Variants in PCDHA1 observed in about 807,000 individuals in gnomAD.
PCDHA1 encodes the protein protocadherin alpha-1.
Under a neutral mutation model 61.3 loss-of-function variants are expected in PCDHA1, and 42 were observed. The observed-to-expected ratio is 0.69, with a 90% CI of 0.54 to 0.89. The LOEUF (loss-of-function observed/expected upper bound fraction) is 0.89. Among genes scored for constraint, PCDHA1 ranks in the 40% least tolerant of loss-of-function variants. The pLI is 0.00. For synonymous variants in PCDHA1, 610 were observed against 553.8 expected (o/e 1.10, Z -1.43); for missense variants, 1,256 against 1,235.3 (o/e 1.02, Z -0.25).
chr5:140,817,541 A>G (rs1766154895), intron 1 of PCDHA1: 1 of 152,236 alleles, frequency 6.6e-6, no homozygotes, highest in Non-Finnish European at 1.5e-5. Context: ...GTTGATTATA[A>G]CACACATCCT....
At chr5:140,966,974 C>T (rs782333304) in intron 1 of PCDHA1, 4 of 1,602,874 alleles carry the variant, frequency 2.5e-6, no homozygotes, top group Non-Finnish European at 3.4e-6. Flanking sequence ...GCTTGAGCTG[C>T]GGCGCTTGGG....
chr5:140,960,331 A>G (rs1157705398), intron 1 of PCDHA1, among the ~76,000 whole-genome samples: 1 of 152,230 alleles, frequency 6.6e-6, no homozygotes, highest in African/African-American at 2.4e-5. Flanking sequence ...TGTGAGAAGT[A>G]CATGAGGTGA....
chr5:140,862,493 C>G, intron 1 of PCDHA1: 1 of 388,776 alleles, frequency 2.6e-6, no homozygotes, highest in East Asian at 6.9e-5. Flanking sequence ...GGTAATCGCT[C>G]GGAATGGGGA....
chr5:140,915,918 T>A (rs1295505621), intron 1 of PCDHA1, among the ~76,000 whole-genome samples: 1 of 152,188 alleles, frequency 6.6e-6, no homozygotes, highest in Admixed American at 6.5e-5. Flanking sequence ...CCAGAGATGC[T>A]ACTTGGGAGT....
chr5:140,970,748 A>G (rs2096429835), intron 1 of PCDHA1, among the ~76,000 whole-genome samples: 1 of 152,130 alleles, frequency 6.6e-6, no homozygotes, highest in African/African-American at 2.4e-5. Context: ...TTTGCAATAT[A>G]TTTTCATTGA....
intron 3 of PCDHA1, chr5:140,988,797 AT>A (rs1481469131): frequency 2.0e-5 from 3 of 152,116 alleles, no homozygotes; most frequent in African/African-American, 7.2e-5. Context: ...TAATAGAAGA[AT>A]TTCTTCCGTA....
chr5:140,929,154 T>C (rs1005551092), intron 1 of PCDHA1: 3 of 1,614,180 alleles, frequency 1.9e-6, no homozygotes, highest in Non-Finnish European at 1.7e-6. Context: ...CTCAGACTTA[T>C]CTCTATCGGG....
chr5:140,996,531 G>A (rs782175834), intron 3 of PCDHA1, among the ~76,000 whole-genome samples: 1 of 152,146 alleles, frequency 6.6e-6, no homozygotes, highest in African/African-American at 2.4e-5. Context: ...GGCCCTGTGT[G>A]TTTTGATATT....
chr5:140,916,831 G>A (rs1038292722), intron 1 of PCDHA1, among the ~76,000 whole-genome samples: 22 of 152,082 alleles, frequency 1.4e-4, no homozygotes, highest in Non-Finnish European at 2.9e-4. Context: ...CTATCCCTCT[G>A]GTTCTGAGCC....
chr5:140,839,078 C>T (rs1776029855), intron 1 of PCDHA1, among the ~76,000 whole-genome samples: 1 of 151,898 alleles, frequency 6.6e-6, no homozygotes, highest in African/African-American at 2.4e-5. Flanking sequence ...AAGTCAAAAA[C>T]CTGTCTGATA....
chr5:140,924,921 T>A (rs1167960449), intron 1 of PCDHA1, among the ~76,000 whole-genome samples: 5 of 126,218 alleles, frequency 4.0e-5, no homozygotes, highest in African/African-American at 1.5e-4. Context: ...TAAAATAAAA[T>A]AAAATAAAAT....
chr5:140,969,005 G>A (rs149076230), intron 1 of PCDHA1: 1 of 1,614,168 alleles, frequency 6.2e-7, no homozygotes, highest in Non-Finnish European at 8.5e-7. Flanking sequence ...AGGCTTCTGT[G>A]GAGTAAGGGA....
At chr5:140,843,844 AC>A in intron 1 of PCDHA1, 1 of 1,001,290 alleles carries the variant, frequency 1.0e-6, no homozygotes, top group Non-Finnish European at 1.5e-6. Flanking sequence ...GTTTTTAGAA[AC>A]CTTTTATAAT....
intron 1 of PCDHA1, chr5:140,966,896 C>G (rs910624863): frequency 6.3e-6 from 10 of 1,596,816 alleles, no homozygotes; most frequent in Non-Finnish European, 8.5e-6. Flanking sequence ...GGCCTCCCAG[C>G]TGCGATACTC....
At chr5:140,950,131 C>G (rs1030150193) in intron 1 of PCDHA1, among the ~76,000 whole-genome samples, 6 of 151,858 alleles carry the variant, frequency 4.0e-5, no homozygotes, top group Non-Finnish European at 7.4e-5. Flanking sequence ...CCACAAGACA[C>G]AGTTATAATT....
chr5:140,906,893 GT>G (rs1191460812), intron 1 of PCDHA1, among the ~76,000 whole-genome samples: 7 of 152,170 alleles, frequency 4.6e-5, no homozygotes, highest in Admixed American at 6.5e-5. Context: ...TTCTTAGATT[GT>G]TGGTTTAAAG....
chr5:140,832,991 T>A (rs1772239778), intron 1 of PCDHA1, among the ~76,000 whole-genome samples: 1 of 152,170 alleles, frequency 6.6e-6, no homozygotes, highest in African/African-American at 2.4e-5. Flanking sequence ...TGAGGAATAG[T>A]CCACTTTGGG....
rs782453395 is a variant in PCDHA1 at position 140,875,890 on chromosome 5, G to A, written c.2394+87206G>A. 2.4e-5 allele frequency: 38 copies of A among 1,614,180 alleles called. No homozygotes were observed. The South Asian group carries it at 4.1e-4, about 17-fold the overall frequency. On this transcript the variant is annotated intron_variant, in intron 1 of 3. Coordinates refer to ENST00000504120, the MANE Select transcript of PCDHA1 (RefSeq NM_018900.4). Reference sequence around the variant, plus strand: ...GGTGTTCAGAGAAAGGGAACAAAAGGTACCTGTTTCTGAATCTGCGCCTCT... The same window carrying A: ...GGTGTTCAGAGAAAGGGAACAAAAGATACCTGTTTCTGAATCTGCGCCTCT...
intron 1 of PCDHA1, chr5:140,801,251 T>C: frequency 1.9e-6 from 3 of 1,613,742 alleles, no homozygotes; most frequent in East Asian, 2.2e-5. Flanking sequence ...TGCTTTCTCT[T>C]CTGCTCCTCG....
Sources: allele counts gnomAD v4.1 joint callset (sites outside exome capture counted in the v4.1 genomes callset), GRCh38; gene constraint gnomAD v4.1.1; transcripts MANE v1.5; gene names NCBI Gene and HGNC (gene_info 2026-07-23, HGNC 2026-07-21).